Variants in PDE6A observed in about 807,000 individuals in gnomAD.
The protein encoded by PDE6A is phosphodiesterase 6A, also known as rod cGMP-specific 3',5'-cyclic phosphodiesterase subunit alpha.
In PDE6A, 84 loss-of-function variants were observed where a neutral mutation model predicts 106.3. The ratio of observed to expected loss-of-function variants is 0.79; its 90% confidence interval spans 0.66 to 0.95. The LOEUF is 0.95. Among genes scored for constraint, PDE6A ranks in the 40% least tolerant of loss-of-function variants. PDE6A has a pLI of 0.00. For synonymous variants in PDE6A, 394 were observed against 386.6 expected, an observed-to-expected ratio of 1.02 and a Z score of -0.23; for missense variants, 1,052 against 1,084.9, an observed-to-expected ratio of 0.97 and a Z score of 0.43.
At chr5:149,942,595 C>T (rs993911802) in intron 1 of PDE6A, among the ~76,000 whole-genome samples, 3 of 152,108 alleles carry the variant, frequency 2.0e-5, no homozygotes, top group Non-Finnish European at 2.9e-5. Flanking sequence ...GCCCAGGGGA[C>T]TGGCACTCAG....
At chr5:149,896,643 C>G (rs1222359514) in intron 11 of PDE6A, 68 bp downstream of exon 11, 4 of 1,613,756 alleles carry the variant, frequency 2.5e-6, no homozygotes, top group Non-Finnish European at 3.4e-6. Flanking sequence ...AAGGAGAAAC[C>G]CCTGCATGCT....
chr5:149,915,195 C>T (rs546120699), intron 5 of PDE6A, among the ~76,000 whole-genome samples, 188 bp from the exon 6 acceptor site: 1 of 151,794 alleles, frequency 6.6e-6, no homozygotes, highest in Non-Finnish European at 1.5e-5. Context: ...CCACCATGCC[C>T]GGCTAATTAT....
intron 6 of PDE6A, among the ~76,000 whole-genome samples, chr5:149,914,712 T>C (rs1354464207): frequency 6.6e-6 from 1 of 152,018 alleles, no homozygotes; most frequent in East Asian, 1.9e-4. Flanking sequence ...TTTTCTACTG[T>C]TCTATCTCCC....
At chr5:149,862,464 A>G (rs1169960768) in intron 21 of PDE6A, among the ~76,000 whole-genome samples, 1 of 152,238 alleles carries the variant, frequency 6.6e-6, no homozygotes, top group Non-Finnish European at 1.5e-5. Flanking sequence ...ATAGGGCCTC[A>G]AATTCCTTCC....
At chr5:149,908,743 G>A (rs1753279909) in intron 6 of PDE6A, among the ~76,000 whole-genome samples, 1 of 151,956 alleles carries the variant, frequency 6.6e-6, no homozygotes, top group African/African-American at 2.4e-5. Flanking sequence ...TAGAACTCAG[G>A]CAGTGGTGTG....
intron 6 of PDE6A, among the ~76,000 whole-genome samples, chr5:149,909,349 G>T (rs999730735): frequency 6.6e-6 from 1 of 152,156 alleles, no homozygotes; most frequent in Non-Finnish European, 1.5e-5. Context: ...TATAGAGACA[G>T]GGCAACCACT....
intron 4 of PDE6A, among the ~76,000 whole-genome samples, chr5:149,929,089 G>T (rs1341064248): frequency 6.6e-6 from 1 of 152,116 alleles, no homozygotes; most frequent in Admixed American, 6.6e-5. Flanking sequence ...ATCTACTAAA[G>T]CTAATACTCT....
chr5:149,883,375 C>A (rs945196543), intron 17 of PDE6A, 54 bp downstream of exon 17: 5 of 1,177,012 alleles, frequency 4.2e-6, no homozygotes, highest in Non-Finnish European at 5.1e-6. Context: ...CAGTGCATCT[C>A]GCCTCATGAT....
At chr5:149,866,369 GCA>G in intron 19 of PDE6A, 116 bp from the exon 20 acceptor site, 1 of 763,880 alleles carries the variant, frequency 1.3e-6, no homozygotes, top group Non-Finnish European at 2.3e-6. Context: ...GACCTGATGA[GCA>G]TTTTGCAGGA....
chr5:149,884,521 A>G lies in PDE6A; in HGVS notation c.1985T>C (p.Met662Thr), dbSNP rs1408756010. The change falls in exon 16 of 22, where the codon ATG becomes ACG. Residue 662 changes from methionine to threonine, a missense_variant. Met to Thr is a moderately conservative substitution (Grantham distance 81, BLOSUM62 -1). Around this residue, in one of 3 missense-constraint regions of PDE6A, gnomAD observed 913 missense variants for 915.2 expected, o/e 1.00. Coordinates refer to ENST00000255266, the MANE Select transcript of PDE6A (RefSeq NM_000440.3). ...RRQHEHAIHM[M>T]DIAIIATDLA... ...GTCTGTGGCAATGATTGCAATGTCC[A>G]TCATGTGGATGGCATGCTCATGCTG... The G allele has an allele frequency of 8.7e-6, 14 of 1,613,962 alleles. No individual in the cohort carries two copies. Among genetic ancestry groups the G allele is most frequent in the Non-Finnish European group, 1.1e-5 (13 of 1,179,882 alleles).
At chr5:149,868,200 A>G (rs1348165918) in intron 17 of PDE6A, 42 bp from the exon 18 acceptor site, 2 of 1,568,004 alleles carry the variant, frequency 1.3e-6, no homozygotes, top group Non-Finnish European at 1.8e-6. Context: ...GGGCCATTTA[A>G]GACTTCATGT....
intron 4 of PDE6A, among the ~76,000 whole-genome samples, chr5:149,928,128 T>C (rs1753914945): frequency 6.8e-6 from 1 of 147,680 alleles, no homozygotes; most frequent in Admixed American, 6.8e-5. Context: ...AGTTGTAGTA[T>C]AGTAAATACA....
At chr5:149,881,318 T>C (rs993115944) in intron 17 of PDE6A, among the ~76,000 whole-genome samples, 5 of 152,132 alleles carry the variant, frequency 3.3e-5, no homozygotes, top group African/African-American at 1.2e-4. Flanking sequence ...ACAGCACTAT[T>C]CACAATAGCA....
chr5:149,867,663 A>T (rs1022595211), intron 19 of PDE6A, 62 bp downstream of exon 19: 1 of 1,405,370 alleles, frequency 7.1e-7, no homozygotes, highest in African/African-American at 1.4e-5. Context: ...TGGCGAGGTC[A>T]TATCTAGGTC....
At chr5:149,878,235 G>A (rs1760809823) in intron 17 of PDE6A, among the ~76,000 whole-genome samples, 1 of 152,076 alleles carries the variant, frequency 6.6e-6, no homozygotes. Flanking sequence ...GGGTATGTGT[G>A]CCGTCAGCTG....
chr5:149,926,918 C>T (rs1753877875), intron 4 of PDE6A, among the ~76,000 whole-genome samples: 1 of 137,926 alleles, frequency 7.3e-6, no homozygotes, highest in African/African-American at 2.8e-5. Context: ...GTGGAGGTTG[C>T]AATGAGCTGA....
At chr5:149,886,707 T>G (rs1462590098) in intron 13 of PDE6A, among the ~76,000 whole-genome samples, 3 of 152,192 alleles carry the variant, frequency 2.0e-5, no homozygotes, top group African/African-American at 4.8e-5. Context: ...CAGATGAATT[T>G]TGAGAAACTT....
At chr5:149,916,559 T>C (rs1561764047) in intron 5 of PDE6A, among the ~76,000 whole-genome samples, 1 of 152,188 alleles carries the variant, frequency 6.6e-6, no homozygotes, top group Non-Finnish European at 1.5e-5. Flanking sequence ...CCTCCTTGCA[T>C]TGTTAAAATT....
intron 5 of PDE6A, among the ~76,000 whole-genome samples, chr5:149,919,188 C>T (rs1011453995): frequency 2.0e-5 from 3 of 152,022 alleles, no homozygotes; most frequent in East Asian, 1.9e-4. Context: ...GGGATTCCCA[C>T]GAGAGTCTTT....
Sources: allele counts gnomAD v4.1 joint callset (sites outside exome capture counted in the v4.1 genomes callset), GRCh38; gene constraint gnomAD v4.1.1; regional missense constraint gnomAD v4.1.1; transcripts MANE v1.5; gene names NCBI Gene and HGNC (gene_info 2026-07-23, HGNC 2026-07-21).